Variants in PSD3 observed in about 807,000 individuals in gnomAD.
PSD3 encodes PH and SEC7 domain-containing protein 3.
A neutral mutation model predicts 105.5 loss-of-function variants in PSD3; 49 were observed. The observed-to-expected ratio is 0.46, with a 90% CI of 0.37 to 0.59. The LOEUF (loss-of-function observed/expected upper bound fraction) is 0.59, where lower values mean the gene tolerates loss of function less well. Ranked by LOEUF, PSD3 falls within the 20% of genes least tolerant of loss-of-function variation. PSD3 has a pLI of 0.00. For synonymous variants in PSD3, 557 were observed against 457.8 expected, an observed-to-expected ratio of 1.22 and a Z score of -2.77; for missense variants, 1,561 against 1,263.8, an observed-to-expected ratio of 1.24 and a Z score of -3.57.
intron 10 of PSD3, 106 bp from the exon 11 acceptor site, chr8:18,632,912 T>C (rs1331921114): frequency 2.4e-6 from 2 of 847,030 alleles, no homozygotes; most frequent in Non-Finnish European, 3.5e-6. Context: ...GGTGTATCAC[T>C]TTTTATAACC....
intron 11 of PSD3, among the ~76,000 whole-genome samples, chr8:18,606,827 G>T (rs771079480): frequency 6.6e-6 from 1 of 152,198 alleles, no homozygotes; most frequent in Non-Finnish European, 1.5e-5. Flanking sequence ...GCAGCACTCT[G>T]AGTGTTGGGC....
chr8:19,006,188 G>C (rs1826671308), intron 1 of PSD3, among the ~76,000 whole-genome samples: 1 of 151,306 alleles, frequency 6.6e-6, no homozygotes, highest in Admixed American at 6.6e-5. Flanking sequence ...AGCTACTCGG[G>C]AGGTGGAGGG....
chr8:19,042,364 C>A (rs529683893), intron 1 of PSD3, among the ~76,000 whole-genome samples: 3 of 152,142 alleles, frequency 2.0e-5, no homozygotes, highest in Non-Finnish European at 4.4e-5. Context: ...AAGTCCCCAA[C>A]ATGTTCTCCA....
chr8:18,616,710 G>C lies in PSD3; in HGVS notation c.2410+15903C>G, dbSNP rs1013088882. 3.1e-3 allele frequency among the ~76,000 whole-genome samples: 431 copies of C among 139,666 alleles called. 1 individual carries two copies. Among genetic ancestry groups the C allele is most frequent in the African/African-American group, 0.011 (410 of 37,604 alleles). 91.6% of individuals were successfully genotyped at this position (139,666 alleles called of 152,430 possible). On this transcript the variant is annotated intron_variant, in intron 11 of 15. Coordinates refer to ENST00000327040, the MANE Select transcript of PSD3 (RefSeq NM_015310.4). ...GGGATCTCGGCTCACTGCAAGCTCC[G>C]CCTCCCGGGTTCACGCCATTCTCCT...
At chr8:18,650,108 G>T (rs1477715673) in intron 10 of PSD3, among the ~76,000 whole-genome samples, 7 of 152,204 alleles carry the variant, frequency 4.6e-5, no homozygotes, top group African/African-American at 1.7e-4. Flanking sequence ...AAACATGAAA[G>T]TCAAAGGATG....
chr8:19,029,312 T>A (rs74675622), intron 1 of PSD3, among the ~76,000 whole-genome samples: 1,683 of 152,322 alleles, frequency 0.011, 26 homozygotes, highest in African/African-American at 0.038. Context: ...TTTATTTATA[T>A]TTCCTTTGAT....
chr8:18,890,268 T>G (rs568268161), intron 2 of PSD3, among the ~76,000 whole-genome samples: 1 of 152,332 alleles, frequency 6.6e-6, no homozygotes, highest in African/African-American at 2.4e-5. Context: ...AATTTAATAC[T>G]TTTTCAGTCT....
At position 18,716,096 on chromosome 8, in the gene PSD3, T is replaced by C. The variant is rs184244787; in HGVS notation, c.2172+49353A>G. Among the ~76,000 whole-genome samples the C allele has an allele frequency of 3.2e-3, 483 of 152,298 alleles. 15 individuals carry two copies. Among genetic ancestry groups the C allele is most frequent in the Admixed American group, 0.028 (428 of 15,290 alleles). On this transcript the variant is annotated intron_variant, in intron 9 of 15. Transcript: ENST00000327040. ...AAGAGGATGGCCATGGCCCAATTGT[T>C]GGTCAGGCCATGAGTGCAGAGAACA... is the stretch of plus-strand genomic sequence containing the variant.
intron 8 of PSD3, among the ~76,000 whole-genome samples, chr8:18,792,696 G>A (rs1809834043): frequency 6.6e-6 from 1 of 152,132 alleles, no homozygotes; most frequent in African/African-American, 2.4e-5. Flanking sequence ...GAGAGGATGT[G>A]GAGAAATAGG....
At position 18,616,292 on chromosome 8, in the gene PSD3, C is replaced by T. The variant is rs893655854; in HGVS notation, c.2411-15858G>A. ...CTCTTCACTGAGGAAAACCAAAATA[C>T]CCGACCCTACAATACATTTCTTTGA... On this transcript the variant is annotated intron_variant, in intron 11 of 15. Coordinates refer to ENST00000327040, the MANE Select transcript of PSD3 (RefSeq NM_015310.4). 9.2e-5 allele frequency among the ~76,000 whole-genome samples: 14 copies of T among 152,342 alleles called. No individual in the cohort carries two copies. In the East Asian group the frequency reaches 1.9e-3, roughly 21 times the overall value.
intron 12 of PSD3, among the ~76,000 whole-genome samples, chr8:18,586,244 G>A (rs1178799676): frequency 4.6e-5 from 7 of 152,126 alleles, no homozygotes; most frequent in Admixed American, 3.9e-4. Context: ...GAAAGAGGTT[G>A]AGCGAATGGA....
chr8:18,564,683 A>C (rs1224690710), intron 14 of PSD3, among the ~76,000 whole-genome samples: 1 of 151,784 alleles, frequency 6.6e-6, no homozygotes, highest in Non-Finnish European at 1.5e-5. Context: ...TTTATGACAG[A>C]AACTGTGGAA....
chr8:18,834,102 T>G (rs1411763365), intron 4 of PSD3, among the ~76,000 whole-genome samples: 1 of 152,200 alleles, frequency 6.6e-6, no homozygotes, highest in East Asian at 1.9e-4. Flanking sequence ...ATTGTAAAGA[T>G]GTTTCTCTCA....
intron 9 of PSD3, among the ~76,000 whole-genome samples, chr8:18,748,571 A>C (rs1169445746): frequency 6.6e-6 from 1 of 151,458 alleles, no homozygotes; most frequent in East Asian, 2.0e-4. Flanking sequence ...GAGGCAGGAG[A>C]ATGGCGTGAA....
intron 11 of PSD3, among the ~76,000 whole-genome samples, chr8:18,602,750 T>G (rs967704122): frequency 1.4e-4 from 22 of 152,122 alleles, no homozygotes; most frequent in African/African-American, 5.1e-4. Context: ...GAAGGCTCTC[T>G]AGAGCAGGTG....
intron 2 of PSD3, chr8:18,924,747 C>A (rs553070529): frequency 6.6e-6 from 1 of 152,128 alleles, no homozygotes; most frequent in Non-Finnish European, 1.5e-5. Flanking sequence ...CTAAAGCAGA[C>A]GCTCAACATT....
At chr8:18,962,649 G>A (rs1253698839) in intron 1 of PSD3, among the ~76,000 whole-genome samples, 3 of 152,182 alleles carry the variant, frequency 2.0e-5, no homozygotes, top group African/African-American at 7.2e-5. Context: ...ATCCTGCCCA[G>A]AAGTTTAAAT....
At chr8:18,752,415 T>G (rs1238621217) in intron 9 of PSD3, among the ~76,000 whole-genome samples, 1 of 137,690 alleles carries the variant, frequency 7.3e-6, no homozygotes, top group Admixed American at 8.4e-5. Context: ...CAAATGCAAG[T>G]GATAAGCAAT....
intron 1 of PSD3, among the ~76,000 whole-genome samples, chr8:18,993,027 A>G (rs1444440056): frequency 6.6e-6 from 1 of 152,236 alleles, no homozygotes; most frequent in African/African-American, 2.4e-5. Flanking sequence ...AATTTCTTGT[A>G]TAATCCAAAT....
Sources: allele counts gnomAD v4.1 joint callset (sites outside exome capture counted in the v4.1 genomes callset), GRCh38; gene constraint gnomAD v4.1.1; transcripts MANE v1.5; gene names NCBI Gene and HGNC (gene_info 2026-07-23, HGNC 2026-07-21).